Variants in MAST4 observed in about 807,000 individuals in gnomAD.
MAST4 encodes microtubule-associated serine/threonine-protein kinase 4.
In MAST4, 89 loss-of-function variants were observed where a neutral mutation model predicts 162.7. That is an observed-to-expected ratio of 0.55 (90% CI 0.46 to 0.65). The LOEUF is 0.65. Among genes scored for constraint, MAST4 ranks in the 30% least tolerant of loss-of-function variants. The pLI, the probability that MAST4 is intolerant of heterozygous loss-of-function variation, is 0.00. For missense variants in MAST4, 3,153 were observed against 3,374.0 expected, an observed-to-expected ratio of 0.93 and a Z score of 1.62; for synonymous variants, 1,479 against 1,361.1, an observed-to-expected ratio of 1.09 and a Z score of -1.91.
chr5:66,738,550 G>T (rs1580332636), intron 1 of MAST4, among the ~76,000 whole-genome samples: 2 of 152,196 alleles, frequency 1.3e-5, no homozygotes, highest in East Asian at 3.8e-4. Context: ...TTCTAATGGG[G>T]GAGGGAGACA....
intron 1 of MAST4, among the ~76,000 whole-genome samples, chr5:66,734,615 A>G (rs556221903): frequency 1.8e-4 from 27 of 152,344 alleles, no homozygotes; most frequent in Non-Finnish European, 3.4e-4. Context: ...TTGCTGTCCA[A>G]TAGCGCTTTC....
intron 26 of MAST4, among the ~76,000 whole-genome samples, chr5:67,157,836 G>A (rs535945147): frequency 1.3e-5 from 2 of 152,286 alleles, no homozygotes; most frequent in Admixed American, 1.3e-4. Flanking sequence ...CCATGAGGGT[G>A]AAACAAACAA....
At chr5:66,719,534 C>T (rs1219288876) in intron 1 of MAST4, among the ~76,000 whole-genome samples, 1 of 151,944 alleles carries the variant, frequency 6.6e-6, no homozygotes, top group African/African-American at 2.4e-5. Flanking sequence ...TACAGATTTG[C>T]TTTTCTTTTT....
At chr5:67,139,245 A>G (rs754025636) in intron 19 of MAST4, among the ~76,000 whole-genome samples, 1 of 152,228 alleles carries the variant, frequency 6.6e-6, no homozygotes, top group Non-Finnish European at 1.5e-5. Context: ...TTTAATGCAT[A>G]TTTAGTGGGC....
At position 66,901,383 on chromosome 5, in the gene MAST4, A is replaced by T. The variant is rs373760540; in HGVS notation, c.674+1401A>T. 7.2e-4 allele frequency among the ~76,000 whole-genome samples: 108 copies of T among 150,926 alleles called. 1 individual carries two copies. Among genetic ancestry groups the T allele is most frequent in the African/African-American group, 2.6e-3 (105 of 40,984 alleles). ...TATGTTAATTACAGAATTAGATTTC[A>T]TATTTCTATTTAAGGGTAATTTCCT... On this transcript the variant is annotated intron_variant, in intron 4 of 28. Transcript: ENST00000403625.
At chr5:66,752,336 A>G (rs1430589506) in intron 1 of MAST4, among the ~76,000 whole-genome samples, 1 of 151,162 alleles carries the variant, frequency 6.6e-6, no homozygotes, top group African/African-American at 2.4e-5. Context: ...TCCAATTAAA[A>G]GACACAGACT....
At chr5:66,780,057 G>T (rs1289938642) in intron 2 of MAST4, among the ~76,000 whole-genome samples, 1 of 152,070 alleles carries the variant, frequency 6.6e-6, no homozygotes, top group Non-Finnish European at 1.5e-5. Flanking sequence ...GGGCAGGCAG[G>T]TTAAACATTG....
At chr5:66,946,418 CT>C (rs1744032434) in intron 4 of MAST4, among the ~76,000 whole-genome samples, 1 of 152,140 alleles carries the variant, frequency 6.6e-6, no homozygotes, top group Non-Finnish European at 1.5e-5. Flanking sequence ...ATTTTAGTTT[CT>C]TTTCATTTAC....
intron 23 of MAST4, among the ~76,000 whole-genome samples, chr5:67,146,514 C>G (rs1481296539): frequency 6.6e-6 from 1 of 152,168 alleles, no homozygotes; most frequent in Non-Finnish European, 1.5e-5. Flanking sequence ...AAGCTACGTT[C>G]AATATGCTGT....
At chr5:66,829,460 A>G (rs1361214933) in intron 3 of MAST4, among the ~76,000 whole-genome samples, 1 of 152,170 alleles carries the variant, frequency 6.6e-6, no homozygotes, top group Non-Finnish European at 1.5e-5. Context: ...CTCTGATGAA[A>G]TTACTCTGAC....
chr5:66,849,529 C>G (rs1759146716), intron 3 of MAST4, among the ~76,000 whole-genome samples: 1 of 152,108 alleles, frequency 6.6e-6, no homozygotes, highest in Non-Finnish European at 1.5e-5. Flanking sequence ...CTGGAGTTCA[C>G]TTGAGCATTT....
intron 5 of MAST4, among the ~76,000 whole-genome samples, chr5:67,086,633 A>G (rs1763273527): frequency 1.3e-5 from 2 of 152,234 alleles, no homozygotes; most frequent in Admixed American, 1.3e-4. Flanking sequence ...TCCAAGAGCC[A>G]GCAAATCCCT....
At chr5:67,012,155 T>C (rs1247895992) in intron 4 of MAST4, among the ~76,000 whole-genome samples, 1 of 152,160 alleles carries the variant, frequency 6.6e-6, no homozygotes, top group Non-Finnish European at 1.5e-5. Flanking sequence ...TATCAGAAGC[T>C]CAAGTAATAC....
At chr5:67,078,856 T>G (rs6877937) in intron 5 of MAST4, among the ~76,000 whole-genome samples, 1 of 109,238 alleles carries the variant, frequency 9.2e-6, no homozygotes. Flanking sequence ...ATTTATATAT[T>G]TATATAAATA....
intron 3 of MAST4, among the ~76,000 whole-genome samples, chr5:66,879,978 A>G (rs951532421): frequency 5.9e-5 from 9 of 152,316 alleles, no homozygotes; most frequent in East Asian, 5.8e-4. Context: ...TGAGTCCTGG[A>G]AAAGATTATT....
At chr5:66,930,821 A>G (rs918571536) in intron 4 of MAST4, 3 of 469,896 alleles carry the variant, frequency 6.4e-6, no homozygotes, top group Non-Finnish European at 1.3e-5. Context: ...TTAGGATTAC[A>G]CAGTGCTGGA....
intron 3 of MAST4, among the ~76,000 whole-genome samples, chr5:66,869,446 G>A (rs1251290338): frequency 1.3e-5 from 2 of 152,124 alleles, no homozygotes; most frequent in Non-Finnish European, 2.9e-5. Context: ...TAGGTCAGCC[G>A]AGTTTCAAGA....
intron 4 of MAST4, among the ~76,000 whole-genome samples, chr5:67,045,563 G>A (rs1237486466): frequency 6.6e-6 from 1 of 152,178 alleles, no homozygotes; most frequent in Non-Finnish European, 1.5e-5. Context: ...ATACACAGGT[G>A]GTCCCACATG....
intron 23 of MAST4, 139 bp downstream of exon 23, chr5:67,145,518 A>C: frequency 1.5e-6 from 1 of 673,320 alleles, no homozygotes; most frequent in South Asian, 1.9e-5. Context: ...CTCAGTCCTT[A>C]GGCTTGGGAC....
Sources: gnomAD v4.1 joint callset for allele counts (sites outside exome capture counted in the v4.1 genomes callset) on GRCh38, gnomAD v4.1.1 for gene constraint, MANE v1.5 for transcripts, NCBI Gene and HGNC (gene_info 2026-07-23, HGNC 2026-07-21) for gene names.